Variants in RTL4 observed in about 807,000 individuals in gnomAD.
RTL4 encodes the protein retrotransposon Gag-like protein 4.
In RTL4, 4 loss-of-function variants were observed where a neutral mutation model predicts 5.3. That is an observed-to-expected ratio of 0.75 (90% confidence interval 0.37 to 1.72). RTL4 has a LOEUF of 1.72. Among genes scored for constraint, RTL4 ranks in the 40% most tolerant of loss-of-function variants. RTL4 has a pLI of 0.04. For synonymous variants in RTL4, 98 were observed against 87.3 expected, an observed-to-expected ratio of 1.12 and a Z score of -0.68; for missense variants, 260 against 227.1, an observed-to-expected ratio of 1.14 and a Z score of -0.93.
At chrX:112,453,914 G>A (rs752348404), upstream of RTL4, among the ~76,000 whole-genome samples, 34 of 111,325 alleles carry the variant, frequency 3.1e-4, 1 homozygote, top group South Asian at 2.6e-3. Context: ...GCACATTTAC[G>A]GTCTTGGGGG....
At chrX:112,344,690 T>A in the RTL4 span, among the ~76,000 whole-genome samples, 5 of 112,222 alleles carry the variant, frequency 4.5e-5, no homozygotes, top group African/African-American at 1.6e-4. Context: ...CCATATCAAG[T>A]GCCATTACTT....
At chrX:112,450,777 G>A (rs1415763329), upstream of RTL4, among the ~76,000 whole-genome samples, 1 of 111,803 alleles carries the variant, frequency 8.9e-6, no homozygotes, top group Admixed American at 9.5e-5. Context: ...TGAGAGTGGA[G>A]GAAAGAGAAG....
chrX:112,313,139 T>C, the RTL4 span, among the ~76,000 whole-genome samples: 1 of 111,556 alleles, frequency 9.0e-6, no homozygotes, highest in African/African-American at 3.3e-5. Flanking sequence ...CAAAATATGG[T>C]TGTTCAGGCT....
the RTL4 span, among the ~76,000 whole-genome samples, chrX:112,182,417 C>A: frequency 1.8e-5 from 2 of 111,509 alleles, no homozygotes; most frequent in Non-Finnish European, 3.8e-5. Context: ...TAACCCAATG[C>A]AAGGAAGCTA....
the RTL4 span, among the ~76,000 whole-genome samples, chrX:112,339,776 T>C: frequency 3.5e-5 from 4 of 112,787 alleles, no homozygotes; most frequent in Admixed American, 1.9e-4. Context: ...ATGTGCAGAA[T>C]CAATGAGAAG....
At chrX:112,183,036 A>G in the RTL4 span, among the ~76,000 whole-genome samples, 1 of 112,443 alleles carries the variant, frequency 8.9e-6, no homozygotes, top group South Asian at 3.7e-4. Context: ...AGAATTTTCA[A>G]CGCAGAATTT....
the RTL4 span, among the ~76,000 whole-genome samples, chrX:112,182,649 C>G: frequency 8.9e-6 from 1 of 111,791 alleles, no homozygotes; most frequent in African/African-American, 3.3e-5. Context: ...ACAAAGCCTT[C>G]AGGAAATATG....
chrX:112,439,805 G>C, the RTL4 span, among the ~76,000 whole-genome samples: 1 of 111,254 alleles, frequency 9.0e-6, no homozygotes, highest in Admixed American at 9.6e-5. Flanking sequence ...CTCTTTCCAT[G>C]TGACATGCTG....
At chrX:112,434,040 G>C in the RTL4 span, among the ~76,000 whole-genome samples, 1 of 98,771 alleles carries the variant, frequency 1.0e-5, no homozygotes, top group Non-Finnish European at 2.1e-5. Flanking sequence ...TACATTTATT[G>C]ATTTGCGTAT....
chrX:112,318,047 C>G, the RTL4 span, among the ~76,000 whole-genome samples: 1 of 111,977 alleles, frequency 8.9e-6, no homozygotes, highest in African/African-American at 3.3e-5. Context: ...ATTTATTGAT[C>G]ATCGTGTGTG....
the RTL4 span, among the ~76,000 whole-genome samples, chrX:112,161,878 TTTC>T: frequency 3.8e-3 from 156 of 41,070 alleles, 3 homozygotes; most frequent in East Asian, 0.012. Flanking sequence ...TCTTTCCTTC[TTTC>T]TTCTTTCTTT....
chrX:112,273,458 T>C, the RTL4 span, among the ~76,000 whole-genome samples: 2 of 111,173 alleles, frequency 1.8e-5, no homozygotes, highest in African/African-American at 3.3e-5. Context: ...TTCACCTTGT[T>C]AGCCAGGATG....
chrX:112,406,696 C>T, the RTL4 span, among the ~76,000 whole-genome samples: 1 of 110,904 alleles, frequency 9.0e-6, no homozygotes, highest in Non-Finnish European at 1.9e-5. Flanking sequence ...ATGGCATCAC[C>T]TCTACCCTAA....
chrX:112,134,350 T>A, the RTL4 span, among the ~76,000 whole-genome samples: 1 of 112,396 alleles, frequency 8.9e-6, no homozygotes, highest in African/African-American at 3.2e-5. Flanking sequence ...TCTGTGGGAC[T>A]AAATTATTTC....
At chrX:112,142,672 A>G in the RTL4 span, among the ~76,000 whole-genome samples, 1 of 111,639 alleles carries the variant, frequency 9.0e-6, no homozygotes, top group African/African-American at 3.3e-5. Flanking sequence ...GGAATGGGAG[A>G]CTACAAAGGT....
the RTL4 span, among the ~76,000 whole-genome samples, chrX:112,337,330 C>T: frequency 1.8e-5 from 2 of 111,751 alleles, no homozygotes; most frequent in Non-Finnish European, 3.8e-5. Flanking sequence ...GTTGCCCAGG[C>T]TGGAGTGCAG....
At chrX:112,209,750 C>T in the RTL4 span, among the ~76,000 whole-genome samples, 2 of 111,677 alleles carry the variant, frequency 1.8e-5, no homozygotes, top group African/African-American at 6.5e-5. Context: ...GGCTAGCTGG[C>T]TCAGAAAGCA....
chrX:112,195,499 A>G, the RTL4 span, among the ~76,000 whole-genome samples: 1 of 111,717 alleles, frequency 9.0e-6, no homozygotes, highest in Non-Finnish European at 1.9e-5. Flanking sequence ...CTAATTGTGA[A>G]TAAGCTCTAG....
the RTL4 span, among the ~76,000 whole-genome samples, chrX:112,161,889 T>TTTTCTTTCTTTC: frequency 1.2e-5 from 1 of 85,142 alleles, no homozygotes; most frequent in Non-Finnish European, 2.3e-5. Flanking sequence ...TTCTTCTTTC[T>TTTTCTTTCTTTC]TTCTTCTTTT....
Sources: gnomAD v4.1 joint callset for allele counts (sites outside exome capture counted in the v4.1 genomes callset) on GRCh38, gnomAD v4.1.1 for gene constraint, MANE v1.5 for transcripts, NCBI Gene and HGNC (gene_info 2026-07-23, HGNC 2026-07-21) for gene names.